Variants in NOTCH4 observed in about 807,000 individuals in gnomAD.
NOTCH4 encodes neurogenic locus notch homolog protein 4.
NOTCH4 carries 138 observed loss-of-function variants against 189.0 expected under a neutral mutation model. The ratio of observed to expected loss-of-function variants is 0.73; its 90% confidence interval spans 0.64 to 0.84. NOTCH4 has a LOEUF of 0.84. Ranked by LOEUF, NOTCH4 falls within the 40% of genes least tolerant of loss-of-function variation. The probability of loss-of-function intolerance (pLI) is 0.00; values close to 1 mark genes in which losing one functional copy is unlikely to be tolerated. For missense variants in NOTCH4, 2,286 were observed against 2,605.4 expected (o/e 0.88, Z 2.67); for synonymous variants, 942 against 1,032.8 (o/e 0.91, Z 1.69).
chr6:32,217,121 C>A lies in NOTCH4; in HGVS notation c.1738+32G>T, dbSNP rs369860887. The A allele has an allele frequency of 6.2e-7, 1 of 1,612,996 alleles. No homozygotes were observed. The highest frequency in any genetic ancestry group is 1.1e-5 in the South Asian group (1 of 91,080). On this transcript the variant is annotated intron_variant, in intron 10 of 29. Coordinates refer to ENST00000375023, the MANE Select transcript of NOTCH4 (RefSeq NM_004557.4). This position sits in a 1 kb window ranked among gnomAD's most constrained non-coding sequence, Gnocchi z 4.2. The stretch of plus-strand genomic sequence containing the variant: ...TGCACGGATGTCTGCCTCCTGCTCC[C>A]GCTGTCCCCCACAGTGTGTGCCCCA...
In NOTCH4 at chr6:32,220,436, A is replaced by G. The variant is rs1408737786; in HGVS notation, c.1128T>C (p.Ser376=). 6.2e-7 allele frequency: 1 copy of G among 1,613,704 alleles called. No homozygotes were observed. Among genetic ancestry groups the G allele is most frequent in the African/African-American group, 1.3e-5 (1 of 74,826 alleles). The change falls in exon 6 of 30, where the codon TCT becomes TCC. Residue 376 remains serine, a synonymous_variant. Coordinates refer to ENST00000375023, the MANE Select transcript of NOTCH4 (RefSeq NM_004557.4). ...GTCCAGGTGGGCAGAGGCAGGAGAA[A>G]GAGCCCACCCGGTCAATGCAGGTGG... The part of the protein sequence containing the change: ...PGSTCIDRVG[S]FSCLCPPGRT...
At chr6:32,215,800 C>A in intron 11 of NOTCH4, 1 of 160,510 alleles carries the variant, frequency 6.2e-6, no homozygotes, top group Non-Finnish European at 1.3e-5. Context: ...TTCCTCATTT[C>A]CTCCTTTCCT....
chr6:32,210,892 C>T lies in NOTCH4; in HGVS notation c.2725G>A (p.Asp909Asn), dbSNP rs766521222. The change falls in exon 18 of 30, where the codon GAC (aspartate) becomes AAC (asparagine). Residue 909 changes from aspartate to asparagine, a missense_variant. By Grantham distance (23) the Asp-to-Asn change is conservative (BLOSUM62 1). Transcript: ENST00000375023. The surrounding 1 kb of genome is among the most constrained non-coding windows in gnomAD (Gnocchi z 4.8). ...SLCHNGGLCV[D>N]SGPSYFCHCP... is the part of the protein sequence containing the mutation. ...TGGCAGAAATAGGAGGGGCCGCTGT[C>T]GACACAGAGGCCTCCATTGTGGCAA... The T allele has an allele frequency of 1.2e-5, 19 of 1,610,904 alleles. No homozygotes were observed. The Admixed American group carries it at 1.7e-4, about 14-fold the overall frequency.
rs776678401 is a variant in NOTCH4, at chr6:32,212,646, C to A, written c.2527-19G>T. 1.2e-6 allele frequency: 2 copies of A among 1,600,450 alleles called. No homozygotes were observed. Among genetic ancestry groups the A allele is most frequent in the South Asian group, 1.1e-5 (1 of 88,510 alleles). On this transcript the variant is annotated intron_variant, in intron 16 of 29. Transcript: ENST00000375023. This position sits in a 1 kb window ranked among gnomAD's most constrained non-coding sequence, Gnocchi z 4.4. The stretch of plus-strand genomic sequence containing the variant: ...TCAGAGTCTGAGGGGTGGGAGGGAG[C>A]GTGAGGCAGGACATAGCATCAGATT...
chr6:32,196,459 G>A, intron 28 of NOTCH4, 38 bp from the exon 29 acceptor site: 1 of 1,606,510 alleles, frequency 6.2e-7, no homozygotes, highest in East Asian at 2.2e-5. Context: ...CCCAGTTGGG[G>A]GCCAGACGCC....
At position 32,200,827 on chromosome 6, in the gene NOTCH4, C is replaced by T. The variant is rs779875628; in HGVS notation, c.4315+4G>A. The T allele has an allele frequency of 6.3e-7, 1 of 1,596,998 alleles. No homozygotes were observed. Among genetic ancestry groups the T allele is most frequent in the Non-Finnish European group, 8.5e-7 (1 of 1,172,472 alleles). On this transcript the variant is annotated splice_donor_region_variant and intron_variant, in intron 23 of 29. Transcript: ENST00000375023. This position sits in a 1 kb window ranked among gnomAD's most constrained non-coding sequence, Gnocchi z 5.0. ...GTCAGAGAAAGTGGCAAGGGGTCAC[C>T]TACCGGTCCCTGCATGAGGGTGGAC...
In NOTCH4 at chr6:32,214,135, G is replaced by C; in HGVS notation, c.2142C>G (p.Asn714Lys). The change falls in exon 13 of 30, where the codon AAC becomes AAG. Residue 714 changes from asparagine (N) to lysine (K), a missense_variant. This residue lies in a region of NOTCH4 where 1,903 missense variants were observed against 2,261.9 expected (regional missense o/e 0.84). Transcript: ENST00000375023. Reference sequence around the variant, plus strand: ...CTGTGTAGCCTGTAGGGCAGGTGCAGTTGTAGCCAGAGGGCTGGGGGTAGC... The same window carrying C: ...CTGTGTAGCCTGTAGGGCAGGTGCACTTGTAGCCAGAGGGCTGGGGGTAGC... ...GTCYPQPSGY[N>K]CTCPTGYTGP... is the part of the protein sequence containing the mutation. The C allele has an allele frequency of 6.2e-7, 1 of 1,613,398 alleles. No individual in the cohort carries two copies. Among genetic ancestry groups the C allele is most frequent in the East Asian group, 2.2e-5 (1 of 44,852 alleles).
chr6:32,221,371 C>G lies in NOTCH4; in HGVS notation c.452-46G>C, dbSNP rs537504065. The G allele has an allele frequency of 2.7e-6, 4 of 1,468,508 alleles. No individual in the cohort carries two copies. Among genetic ancestry groups the G allele is most frequent in the African/African-American group, 2.8e-5 (2 of 72,090 alleles). 91.0% of individuals were successfully genotyped at this position (1,468,508 alleles called of 1,614,324 possible). On this transcript the variant is annotated intron_variant, in intron 3 of 29. Transcript: ENST00000375023. The surrounding 1 kb of genome is among the most constrained non-coding windows in gnomAD (Gnocchi z 4.3). ...AGCCGTTTCTAGCATTGTACGAATT[C>G]TAGCCCATCTGAGGTTACCCAGTGC...
chr6:32,220,664 C>T (rs758810711), intron 5 of NOTCH4, 23 bp from the exon 6 acceptor site: 19 of 1,612,340 alleles, frequency 1.2e-5, no homozygotes, highest in African/African-American at 2.7e-5. Flanking sequence ...GGGGAGGGGA[C>T]GAGGGCTAAG....
intron 18 of NOTCH4, among the ~76,000 whole-genome samples, chr6:32,207,175 C>T (rs1462363550): frequency 2.6e-5 from 4 of 151,026 alleles, no homozygotes; most frequent in Non-Finnish European, 4.4e-5. Flanking sequence ...GTGATCTGCC[C>T]GCCTTGGTCT....
chr6:32,222,256 G>A (rs1485825422), intron 3 of NOTCH4, among the ~76,000 whole-genome samples: 1 of 152,228 alleles, frequency 6.6e-6, no homozygotes, highest in African/African-American at 2.4e-5. Flanking sequence ...GCTAGAACAG[G>A]CATCAGGATG....
chr6:32,196,466 C>G (rs776531314), intron 28 of NOTCH4, 45 bp from the exon 29 acceptor site: 1 of 1,601,598 alleles, frequency 6.2e-7, no homozygotes, highest in Non-Finnish European at 8.5e-7. Flanking sequence ...GGGGGCCAGA[C>G]GCCTGGGTTC....
intron 18 of NOTCH4, among the ~76,000 whole-genome samples, chr6:32,207,362 G>A (rs924724852): frequency 1.3e-5 from 2 of 151,136 alleles, no homozygotes; most frequent in African/African-American, 4.9e-5. Flanking sequence ...GGTGGCTCAC[G>A]CCTGTAATCC....
intron 11 of NOTCH4, chr6:32,216,385 C>T (rs1789410768): frequency 6.3e-6 from 1 of 157,664 alleles, no homozygotes; most frequent in South Asian, 1.9e-4. Flanking sequence ...GCCTCGGCTT[C>T]CCGAAGTGCT....
chr6:32,218,694 T>A (rs890345618), intron 8 of NOTCH4, among the ~76,000 whole-genome samples: 9 of 152,200 alleles, frequency 5.9e-5, no homozygotes, highest in Non-Finnish European at 8.8e-5. Flanking sequence ...CTCCTTGATA[T>A]CTACAATGTT....
At chr6:32,196,288 T>A in intron 29 of NOTCH4, 36 bp downstream of exon 29, 1 of 1,612,960 alleles carries the variant, frequency 6.2e-7, no homozygotes, top group Non-Finnish European at 8.5e-7. Flanking sequence ...CTCGTGCGCC[T>A]GACTGTTTTG....
intron 14 of NOTCH4, 38 bp from the exon 15 acceptor site, chr6:32,213,290 C>T (rs375225216): frequency 7.6e-6 from 11 of 1,455,114 alleles, no homozygotes; most frequent in African/African-American, 1.4e-5. Flanking sequence ...GGTTCCTTGC[C>T]TGTAACCTGG....
chr6:32,202,178 G>T lies in NOTCH4; in HGVS notation c.3653C>A (p.Ser1218Tyr). The change falls in exon 21 of 30, where the codon TCT becomes TAT. Residue 1218 changes from serine to tyrosine, a missense_variant. By Grantham distance (144) the Ser-to-Tyr change is moderately radical. This residue lies in a region of NOTCH4 where 1,903 missense variants were observed against 2,261.9 expected (regional missense o/e 0.84). Coordinates refer to ENST00000375023, the MANE Select transcript of NOTCH4 (RefSeq NM_004557.4). This position sits in a 1 kb window ranked among gnomAD's most constrained non-coding sequence, Gnocchi z 5.7. ...GTCCCGGAAGAGAAGCCAGCACCGAGAGTGGGAGGGGCAGCCCTTCCAGGG... is the reference window on the plus strand; with the variant it reads ...GTCCCGGAAGAGAAGCCAGCACCGATAGTGGGAGGGGCAGCCCTTCCAGGG... The part of the protein sequence containing the change: ...PDPWKGCPSH[S>Y]RCWLLFRDGQ... The T allele has an allele frequency of 6.6e-7, 1 of 1,526,002 alleles. No homozygotes were observed. The highest frequency in any genetic ancestry group is 8.8e-7 in the Non-Finnish European group (1 of 1,137,274). The allele number at this position is 1,526,002 out of a possible 1,614,324, so 94.5% of individuals were successfully genotyped here.
At position 32,201,064 on chromosome 6, in the gene NOTCH4, C is replaced by T; in HGVS notation, c.4139+53G>A. 4 of 1,571,380 alleles carry T rather than the reference C, an allele frequency of 2.5e-6. No individual in the cohort carries two copies. In the East Asian group the frequency reaches 9.0e-5, roughly 35 times the overall value. On this transcript the variant is annotated intron_variant, in intron 22 of 29. Transcript: ENST00000375023. This position sits in a 1 kb window ranked among gnomAD's most constrained non-coding sequence, Gnocchi z 5.5. Reference sequence around the variant, plus strand: ...TGGTCCCTGGCTCCCTTTCCTCCCTCTGCCCTCTTAAAAAAACTGGTGTCT... The same window carrying T: ...TGGTCCCTGGCTCCCTTTCCTCCCTTTGCCCTCTTAAAAAAACTGGTGTCT...
Sources: gnomAD v4.1 joint callset for allele counts (sites outside exome capture counted in the v4.1 genomes callset) on GRCh38, gnomAD v4.1.1 for gene constraint, gnomAD v4.1.1 regional missense constraint, Gnocchi (gnomAD v3.1) non-coding constraint, MANE v1.5 for transcripts, NCBI Gene and HGNC (gene_info 2026-07-23, HGNC 2026-07-21) for gene names.